GARS1: variants seen among roughly 807,000 people sequenced by gnomAD.
GARS1 encodes the protein glycyl-tRNA synthetase 1.
A neutral mutation model predicts 86.4 loss-of-function variants in GARS1; 46 were observed. That is an observed-to-expected ratio of 0.53 (90% confidence interval 0.42 to 0.68). The LOEUF (loss-of-function observed/expected upper bound fraction) is 0.68. GARS1 is among the 30% of genes least tolerant of loss of function. The pLI is 0.00. For synonymous variants in GARS1, 342 were observed against 329.8 expected (o/e 1.04, Z -0.40); for missense variants, 797 against 915.6 (o/e 0.87, Z 1.67).
chr7:30,606,914 A>G (rs1791496399), intron 6 of GARS1, among the ~76,000 whole-genome samples: 1 of 152,198 alleles, frequency 6.6e-6, no homozygotes, highest in Non-Finnish European at 1.5e-5. Flanking sequence ...TACTATATTA[A>G]TCTTAAATCT....
intron 3 of GARS1, among the ~76,000 whole-genome samples, chr7:30,600,333 A>G (rs566577741): frequency 1.3e-5 from 2 of 152,304 alleles, no homozygotes; most frequent in South Asian, 4.1e-4. Context: ...ACTCTTTTTA[A>G]AATGCAATGG....
Position 30,627,844 on chromosome 7 carries a change from C to T in GARS1, c.1700-716C>T, listed in dbSNP as rs991816000. Among the ~76,000 whole-genome samples the T allele has an allele frequency of 6.2e-4, 95 of 152,164 alleles. 2 individuals carry two copies. Among genetic ancestry groups the T allele is most frequent in the Admixed American group, 6.2e-3 (95 of 15,280 alleles). The stretch of plus-strand genomic sequence containing the variant: ...GTAGGAATTGTTTTTGTGAATTTTG[C>T]CAGCTGTGTTAGATTTTAAATTCTA... On this transcript the variant is annotated intron_variant, in intron 13 of 16. Transcript: ENST00000389266.
intron 6 of GARS1, among the ~76,000 whole-genome samples, chr7:30,606,008 C>T (rs987544144): frequency 1.1e-4 from 16 of 152,080 alleles, no homozygotes; most frequent in African/African-American, 3.4e-4. Flanking sequence ...CCCGCATTTT[C>T]ATTAAAATTT....
intron 8 of GARS1, 37 bp from the exon 9 acceptor site, chr7:30,615,859 A>C: frequency 1.2e-6 from 2 of 1,609,746 alleles, no homozygotes; most frequent in Non-Finnish European, 1.7e-6. Flanking sequence ...TTTTGTAGTT[A>C]AATATGCAGG....
chr7:30,603,641 T>G (rs1371482911), intron 6 of GARS1, 69 bp downstream of exon 6: 2 of 1,119,046 alleles, frequency 1.8e-6, no homozygotes, highest in African/African-American at 3.1e-5. Flanking sequence ...GTTTAATGAC[T>G]GTTGCATTTC....
intron 12 of GARS1, chr7:30,622,774 A>T: frequency 2.7e-6 from 1 of 373,760 alleles, no homozygotes; most frequent in Non-Finnish European, 5.1e-6. Flanking sequence ...GGAGGTTTAG[A>T]ATACTCTCTG....
chr7:30,603,157 C>T, intron 5 of GARS1, 35 bp downstream of exon 5: 1 of 1,536,210 alleles, frequency 6.5e-7, no homozygotes, highest in Non-Finnish European at 9.0e-7. Flanking sequence ...TAGGATTGAT[C>T]AAAATAAAAG....
Position 30,603,048 on chromosome 7 carries a change from T to G in GARS1, c.584T>G (p.Val195Gly). ...TGTTAATTTAGGACCTCTGGCCATG[T>G]AGACAAATTTGCTGACTTCATGGTG... is the stretch of plus-strand genomic sequence containing the variant. Reference protein sequence around the residue: ...PEPVLKTSGHVDKFADFMVKD... With the variant: ...PEPVLKTSGHGDKFADFMVKD... The change falls in exon 5 of 17, where the codon GTA becomes GGA. Residue 195 changes from valine to glycine, a missense_variant. By Grantham distance (109) the Val-to-Gly change is moderately radical. Coordinates refer to ENST00000389266, the MANE Select transcript of GARS1 (RefSeq NM_002047.4). 6.2e-7 allele frequency: 1 copy of G among 1,613,692 alleles called. No homozygotes were observed. Among genetic ancestry groups the G allele is most frequent in the Non-Finnish European group, 8.5e-7 (1 of 1,179,656 alleles).
Position 30,632,200 on chromosome 7 carries a change from T to A in GARS1, c.1904-47T>A, listed in dbSNP as rs556326893. ...AGACAGTAGTTAGATAACACTGGGC[T>A]TAACTCCATTGTTTTATTTTTAATT... On this transcript the variant is annotated intron_variant, in intron 15 of 16. Coordinates refer to ENST00000389266, the MANE Select transcript of GARS1 (RefSeq NM_002047.4). This position sits in a 1 kb window ranked among gnomAD's most constrained non-coding sequence, Gnocchi z 4.1. The A allele has an allele frequency of 6.1e-5, 96 of 1,585,382 alleles. No homozygotes were observed. In the South Asian group the frequency reaches 1.0e-3, roughly 17 times the overall value.
chr7:30,600,883 T>A (rs910401125), intron 3 of GARS1, among the ~76,000 whole-genome samples, 176 bp from the exon 4 acceptor site: 4 of 147,896 alleles, frequency 2.7e-5, no homozygotes, highest in African/African-American at 1.1e-4. Flanking sequence ...GCGTAAGAGC[T>A]TTTTTATTTT....
chr7:30,628,497 A>T, intron 13 of GARS1, 63 bp from the exon 14 acceptor site: 1 of 1,237,702 alleles, frequency 8.1e-7, no homozygotes, highest in Admixed American at 1.7e-5. Context: ...TTGTTTAGAG[A>T]GAATCTGAAA....
At chr7:30,595,326 C>G (rs1791224029) in intron 1 of GARS1, among the ~76,000 whole-genome samples, 183 bp downstream of exon 1, 1 of 152,218 alleles carries the variant, frequency 6.6e-6, no homozygotes, top group Non-Finnish European at 1.5e-5. Context: ...CGTCAGCCAC[C>G]TCCTCTCCCG....
intron 8 of GARS1, among the ~76,000 whole-genome samples, chr7:30,613,787 G>C (rs1226648835): frequency 6.6e-6 from 1 of 152,224 alleles, no homozygotes; most frequent in Non-Finnish European, 1.5e-5. Flanking sequence ...TCATGAGTCA[G>C]CATCCTCCTG....
chr7:30,610,389 A>G (rs1232894155), intron 7 of GARS1, among the ~76,000 whole-genome samples: 1 of 152,202 alleles, frequency 6.6e-6, no homozygotes, highest in Non-Finnish European at 1.5e-5. Flanking sequence ...TTCCTTGTCC[A>G]CTGTTTAACA....
intron 7 of GARS1, 34 bp from the exon 8 acceptor site, chr7:30,612,062 T>C (rs780072642): frequency 6.3e-7 from 1 of 1,584,692 alleles, no homozygotes; most frequent in Non-Finnish European, 8.7e-7. Flanking sequence ...ATAATTTCTT[T>C]CTTTGTAACA....
intron 13 of GARS1, chr7:30,626,980 C>CAA (rs1192203935): frequency 5.5e-3 from 1,710 of 312,528 alleles, no homozygotes; most frequent in East Asian, 6.5e-3. Context: ...GACTCCGTCT[C>CAA]AAAAAAAAAA....
At chr7:30,603,619 CCTT>C (rs1224900629) in intron 6 of GARS1, 47 bp downstream of exon 6, 9 of 1,356,188 alleles carry the variant, frequency 6.6e-6, no homozygotes, top group Middle Eastern at 1.8e-4. Flanking sequence ...TGGTCGCTGT[CCTT>C]CTTTCAGTGT....
intron 16 of GARS1, among the ~76,000 whole-genome samples, chr7:30,633,171 T>TG (rs1783271953): frequency 6.6e-6 from 1 of 152,216 alleles, no homozygotes; most frequent in Admixed American, 6.5e-5. Context: ...CATCTGGGTG[T>TG]GGTTCTCAAA....
chr7:30,598,371 A>G (rs1791299936), intron 1 of GARS1, among the ~76,000 whole-genome samples: 3 of 145,532 alleles, frequency 2.1e-5, no homozygotes, highest in Admixed American at 1.4e-4. Flanking sequence ...TTTGAATTGC[A>G]TCATTCTTTT....
Sources: allele counts gnomAD v4.1 joint callset (sites outside exome capture counted in the v4.1 genomes callset), GRCh38; gene constraint gnomAD v4.1.1; non-coding constraint Gnocchi (gnomAD v3.1); transcripts MANE v1.5; gene names NCBI Gene and HGNC (gene_info 2026-07-23, HGNC 2026-07-21).